Variants in EPB41L1 observed in about 807,000 individuals in gnomAD.
EPB41L1 encodes band 4.1-like protein 1.
Under a neutral mutation model 97.8 loss-of-function variants are expected in EPB41L1, and 29 were observed. That is an observed-to-expected ratio of 0.30 (90% confidence interval 0.22 to 0.40). EPB41L1 has a LOEUF of 0.40. EPB41L1 is among the 10% of genes least tolerant of loss of function. The probability of loss-of-function intolerance (pLI) is 1.00; values close to 1 mark genes in which losing one functional copy is unlikely to be tolerated. For synonymous variants in EPB41L1, 383 were observed against 459.2 expected (o/e 0.83, Z 2.12); for missense variants, 812 against 1,162.3 (o/e 0.70, Z 4.38).
chr20:36,216,077 CAT>C (rs1475674317), intron 17 of EPB41L1, among the ~76,000 whole-genome samples: 1 of 152,138 alleles, frequency 6.6e-6, no homozygotes, highest in Non-Finnish European at 1.5e-5. Context: ...GTGCCTGGCG[CAT>C]AATAAGTGGC....
At chr20:36,216,599 AT>A (rs1423783762) in intron 17 of EPB41L1, among the ~76,000 whole-genome samples, 6 of 152,238 alleles carry the variant, frequency 3.9e-5, no homozygotes, top group Non-Finnish European at 8.8e-5. Context: ...TGAGCAAAAA[AT>A]TCTTCCCTCC....
chr20:36,205,790 C>G, intron 14 of EPB41L1: 1 of 1,236,846 alleles, frequency 8.1e-7, no homozygotes, highest in East Asian at 5.7e-5. Context: ...GAAAAACTCA[C>G]CCATTCTTCA....
At position 36,206,904 on chromosome 20, in the gene EPB41L1, T is replaced by A; in HGVS notation, c.1669-2584T>A. The A allele has an allele frequency of 7.8e-7, 1 of 1,289,848 alleles. No individual in the cohort carries two copies. Among genetic ancestry groups the A allele is most frequent in the Non-Finnish European group, 1.0e-6 (1 of 988,884 alleles). The allele number at this position is 1,289,848 out of a possible 1,614,324, so 79.9% of individuals were successfully genotyped here. ...CTCCTCACAGAGGACAGGGCGTGCA[T>A]CCCGACCCCCAGGCCTGCGCCCTTC... On this transcript the variant is annotated intron_variant, in intron 14 of 21. Transcript: ENST00000338074. The surrounding 1 kb of genome is among the most constrained non-coding windows in gnomAD (Gnocchi z 5.5).
chr20:36,107,530 T>C (rs1282040827), intron 1 of EPB41L1, among the ~76,000 whole-genome samples: 1 of 151,456 alleles, frequency 6.6e-6, no homozygotes, highest in Non-Finnish European at 1.5e-5. Flanking sequence ...TTTTTTTTTT[T>C]TTTTAAATCA....
At chr20:36,178,483 C>A in intron 4 of EPB41L1, 147 bp from the exon 5 acceptor site, 1 of 826,688 alleles carries the variant, frequency 1.2e-6, no homozygotes, top group Non-Finnish European at 2.1e-6. Context: ...CCCCTAGTCC[C>A]AAGGAAAAGG....
rs372399241 is a variant in EPB41L1 at position 36,219,451 on chromosome 20, G to A, written c.2356-310G>A. Among the ~76,000 whole-genome samples the A allele has an allele frequency of 7.1e-4, 108 of 152,264 alleles. 1 individual carries two copies. The highest frequency in any genetic ancestry group is 5.8e-3 in the South Asian group (28 of 4,822). On this transcript the variant is annotated intron_variant, in intron 18 of 21. Coordinates refer to ENST00000338074, the MANE Select transcript of EPB41L1 (RefSeq NM_012156.2). ...TGGCTATGACAGGATGGGGCATCAG[G>A]AGGGCTGTGTTTCCACCTTGGATCC...
chr20:36,105,543 A>G (rs986944775), intron 1 of EPB41L1, among the ~76,000 whole-genome samples: 4 of 152,116 alleles, frequency 2.6e-5, no homozygotes, highest in African/African-American at 4.8e-5. Context: ...TTGAGCACCT[A>G]TTATGTGCCA....
At chr20:36,222,204 G>A in intron 20 of EPB41L1, 74 bp from the exon 21 acceptor site, 1 of 1,337,912 alleles carries the variant, frequency 7.5e-7, no homozygotes, top group Admixed American at 1.7e-5. Flanking sequence ...TGCACTAGAG[G>A]GCTTGCTGTT....
upstream of EPB41L1, chr20:36,151,566 T>G (rs115989692): frequency 0.051 from 7,756 of 152,266 alleles, 292 homozygotes; most frequent in African/African-American, 0.098. Flanking sequence ...TTGAGTCCTA[T>G]CCCTGTGCCT....
chr20:36,208,560 C>A (rs2062957328), intron 14 of EPB41L1, among the ~76,000 whole-genome samples: 1 of 152,236 alleles, frequency 6.6e-6, no homozygotes, highest in Non-Finnish European at 1.5e-5. Context: ...TCTCAACCTT[C>A]CAGAAACTGG....
chr20:36,154,821 C>G lies in EPB41L1; in HGVS notation c.-90C>G, dbSNP rs978569478. Reference sequence around the variant, plus strand: ...GCCGCGACCCCGCGCCGCCCCGCCCCGCGGCCTGCCTGCCAGAGGAGCCGA... The same window carrying G: ...GCCGCGACCCCGCGCCGCCCCGCCCGGCGGCCTGCCTGCCAGAGGAGCCGA... On this transcript the variant is annotated 5_prime_UTR_variant, in exon 1 of 22. Transcript: ENST00000338074. The surrounding 1 kb of genome is among the most constrained non-coding windows in gnomAD (Gnocchi z 5.5). 1 of 993,336 alleles carries G rather than the reference C, an allele frequency of 1.0e-6. No homozygotes were observed. Among genetic ancestry groups the G allele is most frequent in the African/African-American group, 1.7e-5 (1 of 57,366 alleles). 61.5% of individuals were successfully genotyped at this position (993,336 alleles called of 1,614,324 possible).
Position 36,207,115 on chromosome 20 carries a change from C to A in EPB41L1, c.1669-2373C>A, listed in dbSNP as rs2146740105. ...AGCCTCCCCTGGTCATTCTGAGGAC[C>A]TGGCAGCTCTGGAGGAAGCTTCTCC... On this transcript the variant is annotated intron_variant, in intron 14 of 21. Coordinates refer to ENST00000338074, the MANE Select transcript of EPB41L1 (RefSeq NM_012156.2). The surrounding 1 kb of genome is among the most constrained non-coding windows in gnomAD (Gnocchi z 4.9). 1 of 1,289,426 alleles carries A rather than the reference C, an allele frequency of 7.8e-7. No homozygotes were observed. Among genetic ancestry groups the A allele is most frequent in the South Asian group, 1.2e-5 (1 of 80,996 alleles). 79.9% of individuals were successfully genotyped at this position (1,289,426 alleles called of 1,614,324 possible).
At chr20:36,225,208 G>T (rs1464168492) in intron 21 of EPB41L1, among the ~76,000 whole-genome samples, 1 of 152,186 alleles carries the variant, frequency 6.6e-6, no homozygotes, top group East Asian at 1.9e-4. Context: ...GTTGGCCATG[G>T]GCGGAGCCTA....
intron 1 of EPB41L1, among the ~76,000 whole-genome samples, chr20:36,108,575 G>A (rs1411757509): frequency 1.3e-5 from 2 of 152,062 alleles, no homozygotes; most frequent in Non-Finnish European, 1.5e-5. Flanking sequence ...TTGGGAAGCT[G>A]AGGCATGAGA....
At position 36,195,596 on chromosome 20, in the gene EPB41L1, C is replaced by T. The variant is rs1695525200; in HGVS notation, c.1485+232C>T. 6.6e-6 allele frequency among the ~76,000 whole-genome samples: 1 copy of T among 152,160 alleles called. No homozygotes were observed. Among genetic ancestry groups the T allele is most frequent in the African/African-American group, 2.4e-5 (1 of 41,440 alleles). On this transcript the variant is annotated intron_variant, in intron 13 of 21. Transcript: ENST00000338074. This position sits in a 1 kb window ranked among gnomAD's most constrained non-coding sequence, Gnocchi z 4.6. ...TCTCCTGGCCAATCGGCCATCTCTC[C>T]CTCCTCCCTCAGCCCTCCCACCCTC...
Position 36,154,826 on chromosome 20 carries a change from C to A in EPB41L1, c.-85C>A. The A allele has an allele frequency of 4.0e-6, 4 of 993,168 alleles. No individual in the cohort carries two copies. Among genetic ancestry groups the A allele is most frequent in the Non-Finnish European group, 4.8e-6 (4 of 834,816 alleles). The allele number at this position is 993,168 out of a possible 1,614,324, so 61.5% of individuals were successfully genotyped here. ...GACCCCGCGCCGCCCCGCCCCGCGG[C>A]CTGCCTGCCAGAGGAGCCGAGGGGG... On this transcript the variant is annotated 5_prime_UTR_variant, in exon 1 of 22. Coordinates refer to ENST00000338074, the MANE Select transcript of EPB41L1 (RefSeq NM_012156.2). The surrounding 1 kb of genome is among the most constrained non-coding windows in gnomAD (Gnocchi z 5.5).
intron 1 of EPB41L1, among the ~76,000 whole-genome samples, chr20:36,160,336 C>T (rs1194560930): frequency 1.3e-5 from 2 of 152,222 alleles, no homozygotes; most frequent in Non-Finnish European, 2.9e-5. Flanking sequence ...ATAATCCCAG[C>T]ACTCTGGGAG....
At chr20:36,103,396 A>G (rs2058082574) in intron 1 of EPB41L1, among the ~76,000 whole-genome samples, 2 of 152,264 alleles carry the variant, frequency 1.3e-5, no homozygotes, top group South Asian at 4.2e-4. Context: ...GGTTTCTCAC[A>G]GGGCCCCTCC....
In EPB41L1 at chr20:36,175,534, C is replaced by T. The variant is rs749484412; in HGVS notation, c.178-17C>T. On this transcript the variant is annotated splice_polypyrimidine_tract_variant and intron_variant, in intron 2 of 21. Coordinates refer to ENST00000338074, the MANE Select transcript of EPB41L1 (RefSeq NM_012156.2). The stretch of plus-strand genomic sequence containing the variant: ...TAAAACTCACTGAGCAAACTATTCC[C>T]TTGCTTGGTCCTGCAGAGCCTAGAC... 1.9e-6 allele frequency: 3 copies of T among 1,614,178 alleles called. No homozygotes were observed. The highest frequency in any genetic ancestry group is 2.5e-6 in the Non-Finnish European group (3 of 1,180,006).
Sources: allele counts gnomAD v4.1 joint callset (sites outside exome capture counted in the v4.1 genomes callset), GRCh38; gene constraint gnomAD v4.1.1; non-coding constraint Gnocchi (gnomAD v3.1); transcripts MANE v1.5; gene names NCBI Gene and HGNC (gene_info 2026-07-23, HGNC 2026-07-21).